MDN1: variants seen among roughly 807,000 people sequenced by gnomAD.
MDN1 encodes the protein midasin AAA ATPase 1.
Under a neutral mutation model 669.2 loss-of-function variants are expected in MDN1, and 266 were observed. That is an observed-to-expected ratio of 0.40 (90% CI 0.36 to 0.44). The LOEUF is 0.44. MDN1 is among the 20% of genes least tolerant of loss of function. The pLI, the probability that MDN1 is intolerant of heterozygous loss-of-function variation, is 1.00. For missense variants in MDN1, 5,940 were observed against 6,754.0 expected, an observed-to-expected ratio of 0.88 and a Z score of 4.22; for synonymous variants, 2,385 against 2,457.1, an observed-to-expected ratio of 0.97 and a Z score of 0.87.
chr6:89,691,602 A>C (rs1812386105), intron 63 of MDN1, among the ~76,000 whole-genome samples: 1 of 152,208 alleles, frequency 6.6e-6, no homozygotes, highest in African/African-American at 2.4e-5. Flanking sequence ...TTCAATGATA[A>C]GAAAATAGTT....
At chr6:89,663,867 G>C (rs576834811) in intron 85 of MDN1, among the ~76,000 whole-genome samples, 2 of 151,434 alleles carry the variant, frequency 1.3e-5, no homozygotes, top group Non-Finnish European at 2.9e-5. Flanking sequence ...GCGTGAACCC[G>C]AGAGGTGGAG....
intron 40 of MDN1, among the ~76,000 whole-genome samples, chr6:89,721,319 G>T (rs964404768): frequency 7.2e-5 from 11 of 152,296 alleles, no homozygotes; most frequent in African/African-American, 2.6e-4. Flanking sequence ...TCAAGCCATT[G>T]GCACACAGGC....
chr6:89,699,468 G>A lies in MDN1; in HGVS notation c.8997+133C>T, dbSNP rs1812990185. The stretch of plus-strand genomic sequence containing the variant: ...ATATTTAAAATTCTTCCCTTTAAGA[G>A]GCAATTCAAAAAAACCTGAGGTTTC... On this transcript the variant is annotated intron_variant, in intron 58 of 101. Transcript: ENST00000369393. 3.2e-6 allele frequency: 3 copies of A among 929,572 alleles called. No individual in the cohort carries two copies. The African/African-American group carries it at 5.1e-5, about 16-fold the overall frequency. 57.6% of individuals were successfully genotyped at this position (929,572 alleles called of 1,614,324 possible).
Position 89,794,654 on chromosome 6 carries a change from C to T in MDN1, c.477G>A (p.Glu159=), listed in dbSNP as rs1365673878. 2.0e-5 allele frequency: 32 copies of T among 1,614,016 alleles called. No individual in the cohort carries two copies. The highest frequency in any genetic ancestry group is 2.7e-5 in the Non-Finnish European group (32 of 1,180,048). The part of the protein sequence containing the change: ...MEAAFKFLQQ[E]QSVFRELWDW... ...CCCAGAGCTCCCGGAACACAGACTG[C>T]TCCTGCTGCAGAAACTTGAAGGCTG... The change falls in exon 3 of 102, where the codon GAG becomes GAA. Residue 159 remains glutamate (E), a synonymous_variant. Coordinates refer to ENST00000369393, the MANE Select transcript of MDN1 (RefSeq NM_014611.3).
intron 65 of MDN1, among the ~76,000 whole-genome samples, chr6:89,689,581 T>C (rs761362020): frequency 2.0e-5 from 3 of 152,214 alleles, no homozygotes; most frequent in Non-Finnish European, 4.4e-5. Flanking sequence ...CACGTACACA[T>C]TTAAATTAAG....
chr6:89,761,091 A>G (rs896784111), intron 17 of MDN1, among the ~76,000 whole-genome samples: 4 of 152,120 alleles, frequency 2.6e-5, no homozygotes, highest in South Asian at 2.1e-4. Flanking sequence ...GCGTGAACCC[A>G]GGAGGCAGAG....
rs536849542 is a variant in MDN1, at chr6:89,739,016, T to C, written c.4594-561A>G. The stretch of plus-strand genomic sequence containing the variant: ...CCCACCACAAGGTCAGTTGACACTA[T>C]TCACAAATGTTTGCAATGCCACATA... On this transcript the variant is annotated intron_variant, in intron 32 of 101. Transcript: ENST00000369393. 2.0e-5 allele frequency among the ~76,000 whole-genome samples: 3 copies of C among 152,384 alleles called. No homozygotes were observed. The East Asian group carries it at 5.8e-4, about 29-fold the overall frequency.
At chr6:89,816,877 T>C (rs1446749246) in intron 1 of MDN1, among the ~76,000 whole-genome samples, 2 of 151,946 alleles carry the variant, frequency 1.3e-5, no homozygotes, top group Non-Finnish European at 2.9e-5. Context: ...GGTTTCACCA[T>C]GTTAGCCAGA....
At chr6:89,737,657 T>C (rs1471767918) in intron 33 of MDN1, among the ~76,000 whole-genome samples, 1 of 152,014 alleles carries the variant, frequency 6.6e-6, no homozygotes, top group Non-Finnish European at 1.5e-5. Flanking sequence ...ATTATTTAAT[T>C]AATTAATTAA....
At chr6:89,764,052 T>C (rs1817685016) in intron 15 of MDN1, among the ~76,000 whole-genome samples, 1 of 152,056 alleles carries the variant, frequency 6.6e-6, no homozygotes, top group African/African-American at 2.4e-5. Context: ...CTTGTCTCCA[T>C]AAAAAATTAA....
At chr6:89,792,583 G>A (rs1819336260) in intron 5 of MDN1, among the ~76,000 whole-genome samples, 1 of 152,040 alleles carries the variant, frequency 6.6e-6, no homozygotes, top group Admixed American at 6.6e-5. Flanking sequence ...TGGAAGTACT[G>A]GGTGTTTGGT....
At chr6:89,677,392 C>T (rs1410680881) in intron 76 of MDN1, among the ~76,000 whole-genome samples, 178 bp downstream of exon 76, 1 of 152,182 alleles carries the variant, frequency 6.6e-6, no homozygotes, top group African/African-American at 2.4e-5. Context: ...CTGCACCCAG[C>T]CTCACACTTT....
At chr6:89,768,907 C>T (rs1337731416) in intron 15 of MDN1, among the ~76,000 whole-genome samples, 1 of 152,042 alleles carries the variant, frequency 6.6e-6, no homozygotes, top group African/African-American at 2.4e-5. Context: ...AATAAATCAG[C>T]TGCATGTAGT....
chr6:89,722,658 A>T (rs1462683706), intron 40 of MDN1, among the ~76,000 whole-genome samples: 1 of 152,106 alleles, frequency 6.6e-6, no homozygotes, highest in Non-Finnish European at 1.5e-5. Flanking sequence ...GATCTGCCTG[A>T]CCAATATGGT....
chr6:89,717,510 TA>T (rs1417656472), intron 43 of MDN1, among the ~76,000 whole-genome samples: 7 of 152,212 alleles, frequency 4.6e-5, no homozygotes. Context: ...TCACGGTGAT[TA>T]AAAGTACATA....
intron 84 of MDN1, among the ~76,000 whole-genome samples, chr6:89,666,064 A>AT (rs1810194517): frequency 6.6e-6 from 1 of 152,056 alleles, no homozygotes; most frequent in South Asian, 2.1e-4. Flanking sequence ...AACAAACAAA[A>AT]ACAAGTTTCC....
At chr6:89,715,023 C>CA (rs1452267611) in intron 45 of MDN1, among the ~76,000 whole-genome samples, 1 of 152,198 alleles carries the variant, frequency 6.6e-6, no homozygotes, top group Admixed American at 6.5e-5. Flanking sequence ...GTAGGCTGTA[C>CA]TAATTCATTA....
chr6:89,671,093 C>CA lies in MDN1; in HGVS notation c.13795-14dup, dbSNP rs762536792. 3.3e-5 allele frequency: 53 copies of CA among 1,612,120 alleles called. No individual in the cohort carries two copies. Among genetic ancestry groups the CA allele is most frequent in the East Asian group, 3.1e-4 (14 of 44,866 alleles). On this transcript the variant is annotated splice_polypyrimidine_tract_variant and intron_variant, in intron 82 of 101. Transcript: ENST00000369393. Reference sequence around the variant, plus strand: ...ATTGGCTGAAGAACTGAGACCAAAACAAAACAAAAGGCCTGCTCACACTGC... The same window carrying CA: ...ATTGGCTGAAGAACTGAGACCAAAACAAAAACAAAAGGCCTGCTCACACTGC...
chr6:89,771,703 ATATGGCATAGGGCTT>A (rs1818086207), intron 14 of MDN1, 82 bp from the exon 15 acceptor site: 2 of 1,214,244 alleles, frequency 1.6e-6, no homozygotes, highest in Non-Finnish European at 2.4e-6. Context: ...GGCTGTGGGA[ATATGGCATAGGGCTT>A]TATTTTTTGA....
Sources: gnomAD v4.1 joint callset for allele counts (sites outside exome capture counted in the v4.1 genomes callset) on GRCh38, gnomAD v4.1.1 for gene constraint, MANE v1.5 for transcripts, NCBI Gene and HGNC (gene_info 2026-07-23, HGNC 2026-07-21) for gene names.